TG: variants seen among roughly 807,000 people sequenced by gnomAD.
The protein encoded by TG is thyroglobulin, also known as thyroid hormones.
TG carries 270 observed loss-of-function variants against 324.7 expected under a neutral mutation model. The ratio of observed to expected loss-of-function variants is 0.83; its 90% CI spans 0.75 to 0.92. The LOEUF (loss-of-function observed/expected upper bound fraction) is 0.92, where lower values mean the gene tolerates loss of function less well. Among genes scored for constraint, TG ranks in the 40% least tolerant of loss-of-function variants. TG has a pLI of 0.00. For missense variants in TG, 3,591 were observed against 3,456.4 expected (o/e 1.04, Z -0.98); for synonymous variants, 1,401 against 1,327.0 (o/e 1.06, Z -1.21).
At chr8:132,933,222 G>GTA (rs1822989296) in intron 23 of TG, among the ~76,000 whole-genome samples, 1 of 19,620 alleles carries the variant, frequency 5.1e-5, no homozygotes, top group Non-Finnish European at 1.5e-4. Flanking sequence ...GTATTTGGAG[G>GTA]TGTGTGTATT....
chr8:132,872,722 C>T (rs1186054317), intron 4 of TG, among the ~76,000 whole-genome samples: 2 of 152,092 alleles, frequency 1.3e-5, no homozygotes, highest in Non-Finnish European at 2.9e-5. Flanking sequence ...ATCTTTTATA[C>T]TGTATTTTTA....
Position 132,901,393 on chromosome 8 carries a change from C to T in TG, c.3474C>T (p.Ser1158=), listed in dbSNP as rs2069554. The change falls in exon 16 of 48, where the codon TCC becomes TCT. Residue 1158 remains serine (S), a synonymous_variant. Transcript: ENST00000220616. ...LCNVLKSGVL[S]RRVSPGYVPA... is the part of the protein sequence containing the mutation. ...ATGTGCTCAAGAGTGGAGTCCTCTC[C>T]AGGAGAGTCAGCCCAGGCTATGTCC... The T allele has an allele frequency of 6.2e-7, 1 of 1,614,100 alleles. No individual in the cohort carries two copies. The highest frequency in any genetic ancestry group is 8.5e-7 in the Non-Finnish European group (1 of 1,180,056).
chr8:133,118,514 G>A (rs1390594043), intron 45 of TG, among the ~76,000 whole-genome samples: 1 of 151,948 alleles, frequency 6.6e-6, no homozygotes, highest in Non-Finnish European at 1.5e-5. Flanking sequence ...TAGTAGAGAT[G>A]GGGTTTCACC....
chr8:133,082,305 CA>C (rs1256104660), intron 41 of TG, among the ~76,000 whole-genome samples: 1 of 152,100 alleles, frequency 6.6e-6, no homozygotes, highest in African/African-American at 2.4e-5. Flanking sequence ...CTAGCTTTGG[CA>C]CTTTGCATGA....
chr8:132,974,307 C>T (rs1829930454), intron 34 of TG, among the ~76,000 whole-genome samples: 1 of 152,180 alleles, frequency 6.6e-6, no homozygotes, highest in African/African-American at 2.4e-5. Flanking sequence ...TTCTTTATTT[C>T]ACCCAATATA....
chr8:132,996,679 C>T (rs144002348), intron 35 of TG, among the ~76,000 whole-genome samples: 70 of 152,162 alleles, frequency 4.6e-4, no homozygotes, highest in Middle Eastern at 3.4e-3. Context: ...GAACAGTAAA[C>T]ATATCTAGGC....
In TG at chr8:132,922,989, G is replaced by A. The variant is rs1821319395; in HGVS notation, c.4529-349G>A. On this transcript the variant is annotated intron_variant, in intron 21 of 47. Transcript: ENST00000220616. ...ATTGGGATGAAAACAGGTGAGTGGT[G>A]GAGAGTTCGCGCAGCAAAGACTGGG... 1.3e-5 allele frequency among the ~76,000 whole-genome samples: 2 copies of A among 152,186 alleles called. 1 individual carries two copies. Among genetic ancestry groups the A allele is most frequent in the South Asian group, 4.1e-4 (2 of 4,828 alleles).
At chr8:132,905,576 G>A (rs16904784) in intron 16 of TG, among the ~76,000 whole-genome samples, 12,183 of 152,170 alleles carry the variant, frequency 0.08, 1,529 homozygotes, top group African/African-American at 0.27. Context: ...CACGATGAGT[G>A]TGTTTGCTCT....
intron 35 of TG, among the ~76,000 whole-genome samples, chr8:132,996,294 ACTAAT>A (rs1179237523): frequency 6.6e-6 from 1 of 152,218 alleles, no homozygotes; most frequent in African/African-American, 2.4e-5. Flanking sequence ...TTCCTATGTG[ACTAAT>A]CTATTAACTA....
chr8:132,994,737 G>A (rs1278512908), intron 35 of TG: 2 of 1,288,666 alleles, frequency 1.6e-6, no homozygotes, highest in South Asian at 2.5e-5. Context: ...CGGGAGGTGA[G>A]AGGGACCCAG....
Position 132,948,784 on chromosome 8 carries a change from A to G in TG, c.5242A>G (p.Ile1748Val). The G allele has an allele frequency of 6.2e-7, 1 of 1,613,782 alleles. No individual in the cohort carries two copies. Among genetic ancestry groups the G allele is most frequent in the Non-Finnish European group, 8.5e-7 (1 of 1,180,012 alleles). Reference sequence around the variant, plus strand: ...CCTCTTGTGATTCTCAGGTGCCATCATCTGTGGGTTGCTGAGCTCACCCAG... The same window carrying G: ...CCTCTTGTGATTCTCAGGTGCCATCGTCTGTGGGTTGCTGAGCTCACCCAG... ...VLTQVQGGAI[I>V]CGLLSSPSVL... The change falls in exon 27 of 48, where the codon ATC becomes GTC. Residue 1748 changes from isoleucine (I) to valine (V), a missense_variant. Transcript: ENST00000220616.
chr8:132,875,023 C>T (rs1257879680), intron 5 of TG, among the ~76,000 whole-genome samples: 2 of 152,180 alleles, frequency 1.3e-5, no homozygotes, highest in African/African-American at 2.4e-5. Flanking sequence ...CTTAGCACAG[C>T]GACCTGGCCA....
chr8:132,975,978 T>C (rs1400945184), intron 34 of TG, among the ~76,000 whole-genome samples: 1 of 152,228 alleles, frequency 6.6e-6, no homozygotes, highest in East Asian at 1.9e-4. Flanking sequence ...TTTTCAGTTA[T>C]ATACTGTACT....
intron 15 of TG, among the ~76,000 whole-genome samples, chr8:132,900,653 C>A (rs1001807102): frequency 6.6e-6 from 1 of 152,210 alleles, no homozygotes; most frequent in Non-Finnish European, 1.5e-5. Flanking sequence ...GTGGCCCTGC[C>A]GTCTGGTTTC....
chr8:132,871,220 G>A, intron 3 of TG, 128 bp from the exon 4 acceptor site: 1 of 926,358 alleles, frequency 1.1e-6, no homozygotes. Context: ...CCCCATCACT[G>A]CGTGTCCTTG....
chr8:133,030,889 T>G (rs1000717084), intron 41 of TG, among the ~76,000 whole-genome samples: 1 of 152,206 alleles, frequency 6.6e-6, no homozygotes, highest in Admixed American at 6.5e-5. Flanking sequence ...GGGGCAGCAG[T>G]GTGGAGCAGA....
At chr8:132,872,576 A>G (rs541430552) in intron 4 of TG, among the ~76,000 whole-genome samples, 14 of 152,038 alleles carry the variant, frequency 9.2e-5, no homozygotes, top group South Asian at 4.2e-4. Context: ...GCCTCAGTGC[A>G]TAGTGTTGAT....
At chr8:133,057,529 G>T (rs976849123) in intron 41 of TG, among the ~76,000 whole-genome samples, 3 of 152,138 alleles carry the variant, frequency 2.0e-5, no homozygotes, top group Admixed American at 1.3e-4. Flanking sequence ...GCTGGTGCCT[G>T]CCCTGCATCA....
At chr8:133,097,284 T>G (rs1848569580) in intron 43 of TG, among the ~76,000 whole-genome samples, 2 of 152,242 alleles carry the variant, frequency 1.3e-5, no homozygotes, top group Admixed American at 1.3e-4. Context: ...ATATTTCACC[T>G]TGGGGACTCT....
Sources: allele counts gnomAD v4.1 joint callset (sites outside exome capture counted in the v4.1 genomes callset), GRCh38; gene constraint gnomAD v4.1.1; transcripts MANE v1.5; gene names NCBI Gene and HGNC (gene_info 2026-07-23, HGNC 2026-07-21).